CNTNAP2: variants seen among roughly 807,000 people sequenced by gnomAD.
CNTNAP2 encodes contactin associated protein 2.
Under a neutral mutation model 155.2 loss-of-function variants are expected in CNTNAP2, and 98 were observed. The observed-to-expected ratio is 0.63, with a 90% CI of 0.54 to 0.75. CNTNAP2 has a LOEUF of 0.75. CNTNAP2 is among the 30% of genes least tolerant of loss of function. CNTNAP2 has a pLI of 0.00. For synonymous variants in CNTNAP2, 651 were observed against 631.2 expected (o/e 1.03, Z -0.47); for missense variants, 1,727 against 1,688.1 (o/e 1.02, Z -0.40).
intron 15 of CNTNAP2, among the ~76,000 whole-genome samples, chr7:147,994,369 CAAAAA>C (rs71527864): frequency 7.6e-6 from 1 of 132,352 alleles, no homozygotes; most frequent in Non-Finnish European, 1.7e-5. Context: ...AGACCTGTCT[CAAAAA>C]AAAAAAAAAA....
chr7:146,832,604 ATATAT>A (rs1353512451), intron 2 of CNTNAP2, among the ~76,000 whole-genome samples: 6 of 148,010 alleles, frequency 4.1e-5, no homozygotes, highest in South Asian at 2.1e-4. Context: ...TATATTTATT[ATATAT>A]TATATTTTAT....
intron 1 of CNTNAP2, among the ~76,000 whole-genome samples, chr7:146,360,731 T>G (rs1215567102): frequency 6.6e-6 from 1 of 152,208 alleles, no homozygotes; most frequent in East Asian, 1.9e-4. Flanking sequence ...ATTCTGGGGC[T>G]TAAATTTTGA....
chr7:146,793,883 G>A (rs1234491370), intron 2 of CNTNAP2, among the ~76,000 whole-genome samples: 1 of 152,178 alleles, frequency 6.6e-6, no homozygotes, highest in African/African-American at 2.4e-5. Flanking sequence ...TTCAGTTAAG[G>A]CATTTTGTTT....
intron 1 of CNTNAP2, among the ~76,000 whole-genome samples, chr7:146,627,140 G>A (rs915774591): frequency 2.0e-5 from 3 of 152,218 alleles, no homozygotes; most frequent in Middle Eastern, 3.4e-3. Context: ...AGCTTGTACA[G>A]GGAAACTCCC....
intron 14 of CNTNAP2, among the ~76,000 whole-genome samples, chr7:147,965,396 A>G (rs916714230): frequency 1.1e-4 from 17 of 151,886 alleles, no homozygotes; most frequent in African/African-American, 3.1e-4. Context: ...TGCTTCTTCC[A>G]TTTCTCATTC....
chr7:147,872,020 C>A (rs1799335977), intron 13 of CNTNAP2, among the ~76,000 whole-genome samples: 1 of 152,170 alleles, frequency 6.6e-6, no homozygotes, highest in Non-Finnish European at 1.5e-5. Context: ...CTGTCCCTAG[C>A]AGGAAAAAGC....
intron 9 of CNTNAP2, among the ~76,000 whole-genome samples, chr7:147,302,803 GC>G (rs1342143495): frequency 1.3e-5 from 2 of 152,176 alleles, no homozygotes; most frequent in East Asian, 3.9e-4. Context: ...CTATAGCTTT[GC>G]CCCCAGAGGG....
At chr7:147,707,003 C>T (rs549178378) in intron 13 of CNTNAP2, among the ~76,000 whole-genome samples, 53 of 152,150 alleles carry the variant, frequency 3.5e-4, no homozygotes, top group Non-Finnish European at 7.4e-4. Flanking sequence ...TGATATCTAT[C>T]TCTTTGGTAA....
At position 147,516,848 on chromosome 7, in the gene CNTNAP2, C is replaced by CTTTTT. The variant is rs1221666617; in HGVS notation, c.1777+30821_1777+30825dup. 1.8e-3 allele frequency among the ~76,000 whole-genome samples: 198 copies of CTTTTT among 112,536 alleles called. 1 individual carries two copies. Among genetic ancestry groups the CTTTTT allele is most frequent in the Middle Eastern group, 6.3e-3 (1 of 160 alleles). 73.8% of individuals were successfully genotyped at this position (112,536 alleles called of 152,430 possible). A position where few individuals can be genotyped will look rare whatever the true frequency, so the allele number is the denominator to read the frequency against. On this transcript the variant is annotated intron_variant, in intron 11 of 23. Transcript: ENST00000361727. ...AAAATGTAATTAATTTCTTTCTTTT[C>CTTTTT]TTTTTTTTTTTTTTTTTTGCGTGTG...
intron 15 of CNTNAP2, among the ~76,000 whole-genome samples, chr7:148,024,513 TTACTC>T (rs1335985047): frequency 1.3e-5 from 2 of 152,174 alleles, no homozygotes; most frequent in African/African-American, 2.4e-5. Context: ...CTATGATACT[TTACTC>T]TAGGAAACCC....
chr7:147,506,725 T>C (rs1225575954), intron 11 of CNTNAP2, among the ~76,000 whole-genome samples: 1 of 152,366 alleles, frequency 6.6e-6, no homozygotes, highest in Non-Finnish European at 1.5e-5. Flanking sequence ...CTTTAGCAGT[T>C]GAGCCACCTG....
At chr7:146,345,211 G>T (rs1794800869) in intron 1 of CNTNAP2, among the ~76,000 whole-genome samples, 1 of 152,016 alleles carries the variant, frequency 6.6e-6, no homozygotes, top group Non-Finnish European at 1.5e-5. Context: ...GCCTGATAAT[G>T]GTACTCATTT....
At chr7:147,063,065 T>C (rs551331027) in intron 4 of CNTNAP2, among the ~76,000 whole-genome samples, 7 of 152,300 alleles carry the variant, frequency 4.6e-5, no homozygotes, top group African/African-American at 1.4e-4. Flanking sequence ...AGTCCAACTA[T>C]TAAGTTTGCA....
At chr7:147,528,854 A>C (rs1042542703) in intron 11 of CNTNAP2, among the ~76,000 whole-genome samples, 1 of 151,562 alleles carries the variant, frequency 6.6e-6, no homozygotes, top group Admixed American at 6.7e-5. Context: ...GTAAGCAGGA[A>C]GTAAGTAATA....
chr7:147,053,620 CAG>C (rs1343187207), intron 4 of CNTNAP2, among the ~76,000 whole-genome samples: 2 of 152,048 alleles, frequency 1.3e-5, no homozygotes, highest in East Asian at 1.9e-4. Context: ...AAATTTCTGG[CAG>C]AGAGTAATAT....
At chr7:146,373,435 T>TACACACACACACACAC (rs1563059452) in intron 1 of CNTNAP2, among the ~76,000 whole-genome samples, 6 of 142,096 alleles carry the variant, frequency 4.2e-5, no homozygotes, top group African/African-American at 1.8e-4. Context: ...CACACACACT[T>TACACACACACACACAC]AGGCATGAGG....
chr7:147,290,598 G>C (rs527609423), intron 8 of CNTNAP2, among the ~76,000 whole-genome samples: 1 of 149,278 alleles, frequency 6.7e-6, no homozygotes. Context: ...CAGGAGAATT[G>C]CTTGAACCCG....
intron 2 of CNTNAP2, among the ~76,000 whole-genome samples, chr7:146,790,319 T>A (rs1167389801): frequency 1.3e-5 from 2 of 152,192 alleles, no homozygotes; most frequent in African/African-American, 2.4e-5. Context: ...TGTATTTGAA[T>A]TTCAACAATT....
chr7:146,136,142 A>G (rs1398970829), intron 1 of CNTNAP2, among the ~76,000 whole-genome samples: 2 of 152,134 alleles, frequency 1.3e-5, no homozygotes, highest in African/African-American at 4.8e-5. Context: ...ACATGAGCAA[A>G]TGTATCAAAA....
Sources: allele counts gnomAD v4.1 joint callset (sites outside exome capture counted in the v4.1 genomes callset), GRCh38; gene constraint gnomAD v4.1.1; transcripts MANE v1.5; gene names NCBI Gene and HGNC (gene_info 2026-07-23, HGNC 2026-07-21).